Variants in PRELID2 observed in about 807,000 individuals in gnomAD.
PRELID2 encodes PRELI domain containing 2.
PRELID2 carries 25 observed loss-of-function variants against 28.4 expected under a neutral mutation model. The ratio of observed to expected loss-of-function variants is 0.88; its 90% CI spans 0.64 to 1.23. The LOEUF (loss-of-function observed/expected upper bound fraction) is 1.23. PRELID2 is among the 50% of genes most tolerant of loss of function. The pLI, the probability that PRELID2 is intolerant of heterozygous loss-of-function variation, is 0.00. For missense variants in PRELID2, 201 were observed against 214.4 expected, an observed-to-expected ratio of 0.94 and a Z score of 0.39; for synonymous variants, 76 against 71.6, an observed-to-expected ratio of 1.06 and a Z score of -0.31.
At chr5:145,274,428 C>T in the PRELID2 span, among the ~76,000 whole-genome samples, 2 of 152,126 alleles carry the variant, frequency 1.3e-5, no homozygotes, top group African/African-American at 4.8e-5. Flanking sequence ...AATGAGCTCA[C>T]TTGAATTTAT....
chr5:145,489,796 C>A (rs1438226675), intron 1 of PRELID2, among the ~76,000 whole-genome samples: 1 of 152,180 alleles, frequency 6.6e-6, no homozygotes, highest in Non-Finnish European at 1.5e-5. Context: ...ATTAACTGAT[C>A]TCTTTTATCT....
At chr5:145,344,512 A>G in the PRELID2 span, among the ~76,000 whole-genome samples, 2 of 152,230 alleles carry the variant, frequency 1.3e-5, no homozygotes, top group African/African-American at 4.8e-5. Context: ...TTCTTATATT[A>G]TAAACCATGC....
chr5:145,358,993 G>C, the PRELID2 span, among the ~76,000 whole-genome samples: 1 of 152,128 alleles, frequency 6.6e-6, no homozygotes, highest in Non-Finnish European at 1.5e-5. Flanking sequence ...CTGGGCACCT[G>C]CCCATCAAAA....
Position 145,593,432 on chromosome 5 carries a change from G to A in PRELID2, n.71-120117C>T, listed in dbSNP as rs573765476. Among the ~76,000 whole-genome samples, 6 of 152,102 alleles carry A rather than the reference G, an allele frequency of 3.9e-5. No individual in the cohort carries two copies. The South Asian group carries it at 6.2e-4, about 16-fold the overall frequency. ...TTCAAGAAGACCCAAGAGTTAATCC[G>A]AACAGCCAGCTATTGGCAAAAATTG... On this transcript the variant is annotated intron_variant and non_coding_transcript_variant, in intron 1 of 2. Transcript: ENST00000510259.
chr5:145,381,394 A>T, the PRELID2 span, among the ~76,000 whole-genome samples: 7 of 152,216 alleles, frequency 4.6e-5, no homozygotes, highest in African/African-American at 1.4e-4. Context: ...GGGTTGGTGC[A>T]AAATTAAATG....
chr5:145,233,112 A>G, the PRELID2 span, among the ~76,000 whole-genome samples: 1 of 151,982 alleles, frequency 6.6e-6, no homozygotes, highest in Non-Finnish European at 1.5e-5. Context: ...ATTCTTATAT[A>G]TTACTAATTT....
rs373218451 is a variant in PRELID2 at position 145,823,007 on chromosome 5, G to A, written c.133+70C>T. On this transcript the variant is annotated intron_variant, in intron 2 of 6. Coordinates refer to ENST00000683046, the MANE Select transcript of PRELID2 (RefSeq NM_205846.3). ...AAAACCTAATAGGCCACACACACAC[G>A]TACACACATCTTTACAAAAATCACT... 1.2e-4 allele frequency: 106 copies of A among 851,210 alleles called. 2 individuals carry two copies. The highest frequency in any genetic ancestry group is 1.0e-3 in the South Asian group (72 of 71,210). The allele number at this position is 851,210 out of a possible 1,614,324, so 52.7% of individuals were successfully genotyped here. A position where few individuals can be genotyped will look rare whatever the true frequency, so the allele number is the denominator to read the frequency against.
rs67543120 is a variant in PRELID2 at position 145,828,832 on chromosome 5, CTTTT to C, written c.76-5702_76-5699del. Among the ~76,000 whole-genome samples the C allele has an allele frequency of 8.4e-3, 575 of 68,336 alleles. 1 individual carries two copies. Among genetic ancestry groups the C allele is most frequent in the Non-Finnish European group, 0.012 (450 of 37,870 alleles). 44.8% of individuals were successfully genotyped at this position (68,336 alleles called of 152,430 possible). A position where few individuals can be genotyped will look rare whatever the true frequency, so the allele number is the denominator to read the frequency against. ...CATGTACTTAGATAGTGAAAAAAAT[CTTTT>C]TTTTTTTTTTTTTTTTTTTTGAGAC... On this transcript the variant is annotated intron_variant, in intron 1 of 6. Transcript: ENST00000683046.
the PRELID2 span, among the ~76,000 whole-genome samples, chr5:145,327,205 G>A: frequency 6.6e-6 from 1 of 151,944 alleles, no homozygotes. Flanking sequence ...ATTCATTGTT[G>A]AAAACAGGGT....
intron 1 of PRELID2, among the ~76,000 whole-genome samples, chr5:145,535,686 C>T (rs1019686893): frequency 1.3e-5 from 2 of 151,802 alleles, no homozygotes; most frequent in South Asian, 2.1e-4. Flanking sequence ...CTGCAGATCC[C>T]GTTTTGGCTC....
chr5:145,538,583 T>C (rs1752721222), intron 1 of PRELID2, among the ~76,000 whole-genome samples: 1 of 151,980 alleles, frequency 6.6e-6, no homozygotes, highest in Non-Finnish European at 1.5e-5. Flanking sequence ...AGCATTCTGC[T>C]ACTAAAATAT....
At chr5:145,385,892 G>A in the PRELID2 span, among the ~76,000 whole-genome samples, 1 of 151,874 alleles carries the variant, frequency 6.6e-6, no homozygotes, top group South Asian at 2.1e-4. Context: ...TCTGTTTTGT[G>A]TTCTCATAGG....
At chr5:145,350,177 C>T in the PRELID2 span, among the ~76,000 whole-genome samples, 1 of 152,126 alleles carries the variant, frequency 6.6e-6, no homozygotes, top group Non-Finnish European at 1.5e-5. Flanking sequence ...TAAGATAAAG[C>T]CTGATGACTC....
At chr5:145,687,694 T>G (rs1046841096) in intron 1 of PRELID2, among the ~76,000 whole-genome samples, 4 of 152,214 alleles carry the variant, frequency 2.6e-5, no homozygotes, top group Non-Finnish European at 5.9e-5. Context: ...ATTTAGGGGA[T>G]GCTCAATGAT....
rs2149770324 is a variant in PRELID2 at position 145,764,999 on chromosome 5, C to T, written c.476G>A (p.Gly159Glu). 6.3e-7 allele frequency: 1 copy of T among 1,595,980 alleles called. No homozygotes were observed. Among genetic ancestry groups the T allele is most frequent in the East Asian group, 2.2e-5 (1 of 44,466 alleles). Residue 159 changes from glycine to glutamate, a missense_variant and splice_region_variant, in exon 6 of 7, where the codon GGA (glycine) becomes GAA (glutamate). Physicochemically the swap from Gly to Glu is moderately conservative, Grantham distance 98. Transcript: ENST00000683046. ...STFLRQGAQKGIRIMEMLLKE... is the reference protein window; with the variant it reads ...STFLRQGAQKEIRIMEMLLKE... ...TAGCAGCATCTCCATGATTCTAATT[C>T]CCTATAGAAAGAAGGAAAAAAAATT... is the stretch of plus-strand genomic sequence containing the variant.
chr5:145,447,934 A>G, the PRELID2 span, among the ~76,000 whole-genome samples: 291 of 151,664 alleles, frequency 1.9e-3, no homozygotes, highest in Non-Finnish European at 3.2e-3. Context: ...ATAAACATAC[A>G]TGTGCATGTG....
chr5:145,646,759 T>C (rs1259100557), intron 1 of PRELID2, among the ~76,000 whole-genome samples: 1 of 152,202 alleles, frequency 6.6e-6, no homozygotes, highest in Non-Finnish European at 1.5e-5. Context: ...TAGTTTTCCT[T>C]CTAACACTCA....
chr5:145,514,458 A>G (rs1347190788), intron 1 of PRELID2, among the ~76,000 whole-genome samples: 3 of 152,190 alleles, frequency 2.0e-5, no homozygotes, highest in Admixed American at 6.5e-5. Context: ...ACTATCCTAC[A>G]TGTAAATGCA....
At chr5:145,312,221 G>A in the PRELID2 span, among the ~76,000 whole-genome samples, 1,305 of 152,024 alleles carry the variant, frequency 8.6e-3, 21 homozygotes, top group African/African-American at 0.03. Context: ...GGGCATGGTG[G>A]CATGTGCCTG....
Sources: gnomAD v4.1 joint callset for allele counts (sites outside exome capture counted in the v4.1 genomes callset) on GRCh38, gnomAD v4.1.1 for gene constraint, MANE v1.5 for transcripts, NCBI Gene and HGNC (gene_info 2026-07-23, HGNC 2026-07-21) for gene names.